NALF1: variants seen among roughly 807,000 people sequenced by gnomAD.
NALF1 encodes family with sequence similarity 155 member A.
NALF1 carries 3 observed loss-of-function variants against 48.4 expected under a neutral mutation model. The ratio of observed to expected loss-of-function variants is 0.06; its 90% CI spans 0.03 to 0.16. The LOEUF (loss-of-function observed/expected upper bound fraction) is 0.16, where lower values mean the gene tolerates loss of function less well. Among genes scored for constraint, NALF1 ranks in the 10% least tolerant of loss-of-function variants. The pLI is 1.00. For missense variants in NALF1, 526 were observed against 571.5 expected (o/e 0.92, Z 0.81); for synonymous variants, 262 against 245.7 (o/e 1.07, Z -0.62).
At chr13:107,664,209 A>G (rs1048936143) in intron 1 of NALF1, among the ~76,000 whole-genome samples, 4 of 152,158 alleles carry the variant, frequency 2.6e-5, no homozygotes, top group African/African-American at 9.7e-5. Context: ...AACCTAATGA[A>G]TAGCCTCTAC....
chr13:107,620,074 C>G (rs964984264), intron 1 of NALF1, among the ~76,000 whole-genome samples: 1 of 152,042 alleles, frequency 6.6e-6, no homozygotes, highest in African/African-American at 2.4e-5. Context: ...TTTTATCAGG[C>G]CTTTTAAACT....
chr13:107,648,141 T>G (rs887405492), intron 1 of NALF1, among the ~76,000 whole-genome samples: 1 of 152,142 alleles, frequency 6.6e-6, no homozygotes, highest in Non-Finnish European at 1.5e-5. Context: ...TGTTGTCATC[T>G]CACTACATTT....
chr13:107,491,502 T>C (rs1566364006), intron 1 of NALF1, among the ~76,000 whole-genome samples: 2 of 152,184 alleles, frequency 1.3e-5, no homozygotes, highest in East Asian at 3.9e-4. Context: ...TAGAAGAGCA[T>C]CCCTGATCCA....
At position 107,866,378 on chromosome 13, in the gene NALF1, C is replaced by G. The variant is rs1323179863; in HGVS notation, c.219G>C (p.Gln73His). The change falls in exon 1 of 3, where the codon CAG (glutamine) becomes CAC (histidine). Residue 73 changes from glutamine to histidine, a missense_variant. Physicochemically the swap from Gln to His is conservative, Grantham distance 24 (BLOSUM62 0). This residue lies in a region of NALF1 where 373 missense variants were observed against 355.5 expected (regional missense o/e 1.05). Transcript: ENST00000375915. This position sits in a 1 kb window ranked among gnomAD's most constrained non-coding sequence, Gnocchi z 4.4. ...KLTRARDKEH[Q>H]QQQRQQQQQQ... ...GCTGCTGCTGCTGCCGCTGCTGCTG[C>G]TGGTGCTCCTTGTCCCGGGCCCGGG... 8 of 1,479,498 alleles carry G rather than the reference C, an allele frequency of 5.4e-6. No homozygotes were observed. Among genetic ancestry groups the G allele is most frequent in the South Asian group, 2.6e-5 (2 of 75,590 alleles). The allele number at this position is 1,479,498 out of a possible 1,614,324, so 91.6% of individuals were successfully genotyped here. A position where few individuals can be genotyped will look rare whatever the true frequency, so the allele number is the denominator to read the frequency against.
intron 1 of NALF1, among the ~76,000 whole-genome samples, chr13:107,309,780 G>A (rs1882009576): frequency 6.6e-6 from 1 of 152,136 alleles, no homozygotes; most frequent in African/African-American, 2.4e-5. Flanking sequence ...TTCCTTAAAA[G>A]CACATTGCTT....
chr13:107,482,931 A>T (rs1181365273), intron 1 of NALF1, among the ~76,000 whole-genome samples: 1 of 152,002 alleles, frequency 6.6e-6, no homozygotes, highest in Non-Finnish European at 1.5e-5. Flanking sequence ...GCCCCATGTA[A>T]CTCTCCCAGA....
intron 1 of NALF1, among the ~76,000 whole-genome samples, chr13:107,844,727 T>C (rs559125708): frequency 6.6e-6 from 1 of 152,302 alleles, no homozygotes; most frequent in South Asian, 2.1e-4. Context: ...AAATTACTTT[T>C]TCCCTAGTTC....
At chr13:107,316,980 T>C (rs1020995783) in intron 1 of NALF1, among the ~76,000 whole-genome samples, 1 of 152,114 alleles carries the variant, frequency 6.6e-6, no homozygotes, top group African/African-American at 2.4e-5. Context: ...TCAAACACTT[T>C]AAAAGATTTT....
intron 1 of NALF1, among the ~76,000 whole-genome samples, chr13:107,701,988 A>C (rs1881833080): frequency 1.3e-5 from 2 of 152,376 alleles, no homozygotes; most frequent in South Asian, 4.1e-4. Context: ...AAATTAAAAA[A>C]TCACAACTGG....
intron 1 of NALF1, among the ~76,000 whole-genome samples, chr13:107,783,921 A>T (rs550993318): frequency 6.6e-6 from 1 of 151,946 alleles, no homozygotes; most frequent in African/African-American, 2.4e-5. Flanking sequence ...TTACTGTGAG[A>T]GATGCACTCA....
At chr13:107,793,704 A>C (rs952884465) in intron 1 of NALF1, among the ~76,000 whole-genome samples, 1 of 152,184 alleles carries the variant, frequency 6.6e-6, no homozygotes, top group Non-Finnish European at 1.5e-5. Flanking sequence ...GTTATTCTGA[A>C]TCAATTTCTA....
At position 107,435,474 on chromosome 13, in the gene NALF1, C is replaced by T. The variant is rs181924025; in HGVS notation, c.916-224719G>A. On this transcript the variant is annotated intron_variant, in intron 1 of 2. Transcript: ENST00000375915. ...CTCAGCGGTGAATCTGTTTCTTAAA[C>T]GGCTACTCCAGGATTATATAGGGAT... is the stretch of plus-strand genomic sequence containing the variant. 2.0e-3 allele frequency among the ~76,000 whole-genome samples: 312 copies of T among 152,272 alleles called. 2 individuals carry two copies. The highest frequency in any genetic ancestry group is 0.014 in the South Asian group (67 of 4,820).
At chr13:107,492,037 T>G (rs1875148641) in intron 1 of NALF1, among the ~76,000 whole-genome samples, 1 of 112,564 alleles carries the variant, frequency 8.9e-6, no homozygotes, top group Non-Finnish European at 1.8e-5. Flanking sequence ...TCTGGGTTTT[T>G]TTTTGTTTTT....
At chr13:107,651,082 T>TA (rs1246392172) in intron 1 of NALF1, among the ~76,000 whole-genome samples, 11 of 151,540 alleles carry the variant, frequency 7.3e-5, no homozygotes, top group Non-Finnish European at 1.0e-4. Context: ...AAACAAAGGT[T>TA]AAAAAAATAA....
chr13:107,395,653 G>C (rs1489364173), intron 1 of NALF1, among the ~76,000 whole-genome samples: 2 of 152,128 alleles, frequency 1.3e-5, no homozygotes, highest in Non-Finnish European at 2.9e-5. Context: ...AACAAAGGAT[G>C]ACAGACTGAG....
intron 1 of NALF1, among the ~76,000 whole-genome samples, chr13:107,342,533 G>C (rs146567861): frequency 2.6e-4 from 39 of 152,230 alleles, no homozygotes; most frequent in Non-Finnish European, 5.0e-4. Context: ...CAGAACCCTG[G>C]ATGAGTACAA....
intron 1 of NALF1, among the ~76,000 whole-genome samples, chr13:107,407,500 T>C (rs1362171100): frequency 2.6e-5 from 4 of 152,068 alleles, no homozygotes; most frequent in Non-Finnish European, 5.9e-5. Flanking sequence ...AACAGGTATA[T>C]GAAAAGGTGC....
At chr13:107,742,211 AC>A (rs1225825986) in intron 1 of NALF1, among the ~76,000 whole-genome samples, 2 of 152,016 alleles carry the variant, frequency 1.3e-5, no homozygotes, top group Non-Finnish European at 1.5e-5. Context: ...GATCACTACC[AC>A]CCCGGCTATT....
chr13:107,723,159 C>T (rs982320140), intron 1 of NALF1, among the ~76,000 whole-genome samples: 4 of 152,144 alleles, frequency 2.6e-5, no homozygotes, highest in African/African-American at 7.2e-5. Flanking sequence ...ACTGAGCATG[C>T]GATTCCTGGG....
Sources: gnomAD v4.1 joint callset for allele counts (sites outside exome capture counted in the v4.1 genomes callset) on GRCh38, gnomAD v4.1.1 for gene constraint, gnomAD v4.1.1 regional missense constraint, Gnocchi (gnomAD v3.1) non-coding constraint, MANE v1.5 for transcripts, NCBI Gene and HGNC (gene_info 2026-07-23, HGNC 2026-07-21) for gene names.